Variants in DOP1B observed in about 807,000 individuals in gnomAD.
The protein encoded by DOP1B is DOP1 leucine zipper like protein B.
DOP1B carries 174 observed loss-of-function variants against 233.5 expected under a neutral mutation model. That is an observed-to-expected ratio of 0.75 (90% CI 0.66 to 0.85). The LOEUF is 0.85. DOP1B is among the 40% of genes least tolerant of loss of function. The probability of loss-of-function intolerance (pLI) is 0.00; values close to 1 mark genes in which losing one functional copy is unlikely to be tolerated. For synonymous variants in DOP1B, 1,190 were observed against 1,185.6 expected (o/e 1.00, Z -0.08); for missense variants, 2,652 against 2,846.6 (o/e 0.93, Z 1.56).
At chr21:36,219,544 G>C (rs1219446101) in intron 10 of DOP1B, 52 bp downstream of exon 10, 10 of 1,586,618 alleles carry the variant, frequency 6.3e-6, no homozygotes, top group Non-Finnish European at 8.6e-6. Context: ...CCGGTACTGT[G>C]ATTTTTTTTT....
rs869203517 is a variant in DOP1B, at chr21:36,287,579, C to CTTTTTTTT, written c.6161-417_6161-410dup. On this transcript the variant is annotated intron_variant, in intron 32 of 36. Coordinates refer to ENST00000691173, the MANE Select transcript of DOP1B (RefSeq NM_001320714.2). ...TTGCACAAAAGCATCTCCTAACATT[C>CTTTTTTTT]TTTTTTTTTTTTTTTTTTTTTTTTT... is the stretch of plus-strand genomic sequence containing the variant. Among the ~76,000 whole-genome samples, 67 of 73,124 alleles carry CTTTTTTTT rather than the reference C, an allele frequency of 9.2e-4. 4 individuals carry two copies. The highest frequency in any genetic ancestry group is 2.8e-3 in the East Asian group (6 of 2,144). The allele number at this position is 73,124 out of a possible 152,430, so 48.0% of individuals were successfully genotyped here.
intron 23 of DOP1B, among the ~76,000 whole-genome samples, chr21:36,256,296 C>T (rs947245206): frequency 1.3e-5 from 2 of 151,982 alleles, no homozygotes; most frequent in Non-Finnish European, 2.9e-5. Context: ...TAAAAATTAG[C>T]TGGGTGTGGT....
intron 35 of DOP1B, among the ~76,000 whole-genome samples, chr21:36,290,277 C>T (rs1022826121): frequency 2.0e-5 from 3 of 152,226 alleles, no homozygotes; most frequent in Non-Finnish European, 4.4e-5. Flanking sequence ...GTAATACTAG[C>T]ACTTTAGGAG....
intron 2 of DOP1B, among the ~76,000 whole-genome samples, chr21:36,167,199 G>GAACATTATGCTAAATGT (rs2065920175): frequency 6.6e-6 from 1 of 152,116 alleles, no homozygotes; most frequent in African/African-American, 2.4e-5. Flanking sequence ...TTTTGAAACA[G>GAACATTATGCTAAATGT]TCTTGCTCTG....
chr21:36,276,917 G>T (rs2067356345), intron 27 of DOP1B, 104 bp from the exon 28 acceptor site: 8 of 1,022,966 alleles, frequency 7.8e-6, no homozygotes, highest in Non-Finnish European at 7.4e-6. Flanking sequence ...CAATTGGTAT[G>T]AAAGGCGGGA....
chr21:36,169,683 G>C, intron 2 of DOP1B: 2 of 889,280 alleles, frequency 2.2e-6, no homozygotes, highest in South Asian at 2.6e-5. Context: ...AGGCGCGTCT[G>C]GGTGTGGGCA....
chr21:36,245,078 A>G lies in DOP1B; in HGVS notation c.3098A>G (p.Lys1033Arg), dbSNP rs780927225. 1 of 1,600,002 alleles carries G rather than the reference A, an allele frequency of 6.2e-7. No homozygotes were observed. Among genetic ancestry groups the G allele is most frequent in the Non-Finnish European group, 8.6e-7 (1 of 1,168,556 alleles). ...TTGCACCGTTGGTTTAACAGGAAGA[A>G]AACCTCTTTCAGAGAGGCATGCGCA... ...DDLHRWFNRK[K>R]TSFREACAVP... The change falls in exon 19 of 37, where the codon AAA (lysine) becomes AGA (arginine). Residue 1033 changes from lysine (K) to arginine (R), a missense_variant. By Grantham distance (26) the Lys-to-Arg change is conservative (BLOSUM62 2). Transcript: ENST00000691173. This position sits in a 1 kb window ranked among gnomAD's most constrained non-coding sequence, Gnocchi z 5.5.
Position 36,246,123 on chromosome 21 carries a change from C to G in DOP1B, c.4143C>G (p.Cys1381Trp). The G allele has an allele frequency of 6.2e-7, 1 of 1,614,078 alleles. No homozygotes were observed. Among genetic ancestry groups the G allele is most frequent in the Non-Finnish European group, 8.5e-7 (1 of 1,180,028 alleles). ...TCATCCACAGCTTGCTGCAGAGGTG[C>G]AAAGTTCAGGAGTTTGTCCTGCTCT... ...VEFIHSLLQR[C>W]KVQEFVLLSL... The change falls in exon 19 of 37, where the codon TGC (cysteine) becomes TGG (tryptophan). Residue 1381 changes from cysteine to tryptophan, a missense_variant. Transcript: ENST00000691173. The surrounding 1 kb of genome is among the most constrained non-coding windows in gnomAD (Gnocchi z 5.1).
intron 13 of DOP1B, among the ~76,000 whole-genome samples, chr21:36,228,202 C>A (rs2066715329): frequency 6.6e-6 from 1 of 152,032 alleles, no homozygotes; most frequent in South Asian, 2.1e-4. Flanking sequence ...GTGGCCCACA[C>A]CTGTAATCCC....
At position 36,247,506 on chromosome 21, in the gene DOP1B, C is replaced by T. The variant is rs1357563196; in HGVS notation, c.4698-11C>T. 1 of 1,569,856 alleles carries T rather than the reference C, an allele frequency of 6.4e-7. No individual in the cohort carries two copies. Among genetic ancestry groups the T allele is most frequent in the South Asian group, 1.2e-5 (1 of 82,836 alleles). On this transcript the variant is annotated splice_polypyrimidine_tract_variant and intron_variant, in intron 19 of 36. Coordinates refer to ENST00000691173, the MANE Select transcript of DOP1B (RefSeq NM_001320714.2). The stretch of plus-strand genomic sequence containing the variant: ...AAATTCTCAAACCAGTTTCTCTTTT[C>T]TTCACCACAGCACAACCTCCAAGAG...
At chr21:36,187,879 G>A (rs2066182391) in intron 2 of DOP1B, among the ~76,000 whole-genome samples, 1 of 152,182 alleles carries the variant, frequency 6.6e-6, no homozygotes, top group Admixed American at 6.6e-5. Flanking sequence ...GGGATTACAG[G>A]TGTAAGCCAC....
intron 27 of DOP1B, among the ~76,000 whole-genome samples, chr21:36,275,618 C>A (rs1380759871): frequency 6.0e-4 from 79 of 132,274 alleles, no homozygotes; most frequent in Admixed American, 7.7e-4. Context: ...GAACTTGTCT[C>A]AAAAAAAAAA....
chr21:36,257,559 A>G (rs963670860), intron 23 of DOP1B, among the ~76,000 whole-genome samples: 10 of 152,200 alleles, frequency 6.6e-5, no homozygotes, highest in South Asian at 2.1e-4. Context: ...AGAACTGCAG[A>G]CAAACACGTA....
chr21:36,204,978 C>T (rs1481077582), intron 4 of DOP1B, among the ~76,000 whole-genome samples: 2 of 152,152 alleles, frequency 1.3e-5, no homozygotes, highest in African/African-American at 4.8e-5. Flanking sequence ...TGGTTGGTTT[C>T]AGGCACTGTG....
In DOP1B at chr21:36,214,087, A is replaced by T. The variant is rs1457342194; in HGVS notation, c.911A>T (p.Asp304Val). 2 of 1,612,838 alleles carry T rather than the reference A, an allele frequency of 1.2e-6. No homozygotes were observed. Among genetic ancestry groups the T allele is most frequent in the African/African-American group, 2.7e-5 (2 of 74,972 alleles). The part of the protein sequence containing the change: ...RRLYAWLLGS[D>V]IKGNTVVPES... ...GGCGCTTGTTCTTTTGTAGGCTCAG[A>T]CATAAAAGGAAATACCGTTGTGCCA... is the stretch of plus-strand genomic sequence containing the variant. The change falls in exon 8 of 37, where the codon GAC becomes GTC. Residue 304 changes from aspartate to valine, a missense_variant. Physicochemically the swap from Asp to Val is radical, Grantham distance 152. Coordinates refer to ENST00000691173, the MANE Select transcript of DOP1B (RefSeq NM_001320714.2).
Position 36,169,947 on chromosome 21 carries a change from A to G in DOP1B, c.138+5076A>G, listed in dbSNP as rs917747256. ...CAACCACCATAGGTGGTGTCTCCAC[A>G]GTAGTCATGGCCTCTACCACCTCCT... On this transcript the variant is annotated intron_variant, in intron 2 of 36. Transcript: ENST00000691173. The G allele has an allele frequency of 6.5e-6, 5 of 769,312 alleles. No homozygotes were observed. In the African/African-American group the frequency reaches 6.8e-5, roughly 10 times the overall value. The allele number at this position is 769,312 out of a possible 1,614,324, so 47.7% of individuals were successfully genotyped here.
intron 26 of DOP1B, among the ~76,000 whole-genome samples, chr21:36,267,326 G>A (rs537731765): frequency 6.6e-6 from 1 of 152,152 alleles, no homozygotes; most frequent in Non-Finnish European, 1.5e-5. Context: ...AGAACCCGTG[G>A]TCCTAGAGAA....
At chr21:36,229,215 A>G (rs77897994) in intron 13 of DOP1B, among the ~76,000 whole-genome samples, 1,971 of 152,316 alleles carry the variant, frequency 0.013, 50 homozygotes, top group African/African-American at 0.044. Flanking sequence ...AAAGTACCAC[A>G]GACTGGGTGG....
chr21:36,197,559 G>T (rs2066305368), intron 2 of DOP1B, among the ~76,000 whole-genome samples: 1 of 152,220 alleles, frequency 6.6e-6, no homozygotes, highest in Non-Finnish European at 1.5e-5. Context: ...GATAGTCCCT[G>T]CCCTCGCACT....
Sources: allele counts gnomAD v4.1 joint callset (sites outside exome capture counted in the v4.1 genomes callset), GRCh38; gene constraint gnomAD v4.1.1; non-coding constraint Gnocchi (gnomAD v3.1); transcripts MANE v1.5; gene names NCBI Gene and HGNC (gene_info 2026-07-23, HGNC 2026-07-21).